The following OSBPL2 variants were observed in gnomAD, a reference collection of about 807,000 sequenced individuals.
OSBPL2 encodes the protein oxysterol-binding protein-related protein 2.
A neutral mutation model predicts 58.4 loss-of-function variants in OSBPL2; 18 were observed. That is an observed-to-expected ratio of 0.31 (90% CI 0.21 to 0.46). OSBPL2 has a LOEUF of 0.46. Ranked by LOEUF, OSBPL2 falls within the 20% of genes least tolerant of loss-of-function variation. The probability of loss-of-function intolerance (pLI) is 1.00; values close to 1 mark genes in which losing one functional copy is unlikely to be tolerated. For missense variants in OSBPL2, 461 were observed against 616.5 expected (o/e 0.75, Z 2.67); for synonymous variants, 221 against 234.1 (o/e 0.94, Z 0.51).
intron 2 of OSBPL2, among the ~76,000 whole-genome samples, chr20:62,257,326 G>A (rs190724776): frequency 6.6e-6 from 1 of 152,346 alleles, no homozygotes; most frequent in East Asian, 1.9e-4. Flanking sequence ...CTGTACCTGC[G>A]CTGGCAGCTC....
chr20:62,281,817 T>C lies in OSBPL2; in HGVS notation c.810T>C (p.Phe270=), dbSNP rs761549244. ...CTGGACATAAGTGTGTGCTTCACTT[T>C]AAACCGTGTGGATTATTTGGAAAAG... The part of the protein sequence containing the change: ...HRTGHKCVLH[F]KPCGLFGKEL... The change falls in exon 9 of 14, where the codon TTT becomes TTC. Residue 270 remains phenylalanine, a synonymous_variant. Coordinates refer to ENST00000313733, the MANE Select transcript of OSBPL2 (RefSeq NM_144498.4). The C allele has an allele frequency of 1.0e-4, 161 of 1,612,078 alleles. No homozygotes were observed. The highest frequency in any genetic ancestry group is 1.3e-4 in the Non-Finnish European group (150 of 1,178,324).
Position 62,284,104 on chromosome 20 carries a change from C to G in OSBPL2, c.931C>G (p.Pro311Ala), listed in dbSNP as rs1348676461. The change falls in exon 10 of 14, where the codon CCT (proline) becomes GCT (alanine). Residue 311 changes from proline to alanine, a missense_variant. Pro to Ala is a conservative substitution (Grantham distance 27). Coordinates refer to ENST00000313733, the MANE Select transcript of OSBPL2 (RefSeq NM_144498.4). The part of the protein sequence containing the change: ...KWTECLWGID[P>A]VSYESFKKQE... ...GACGGAATGTTTGTGGGGCATAGAT[C>G]CTGTTTCGTATGAATCCTTCAAGAA... is the stretch of plus-strand genomic sequence containing the variant. 1.2e-6 allele frequency: 2 copies of G among 1,614,036 alleles called. No homozygotes were observed. Among genetic ancestry groups the G allele is most frequent in the Non-Finnish European group, 8.5e-7 (1 of 1,179,918 alleles).
At chr20:62,276,691 C>A (rs1475462051) in intron 6 of OSBPL2, among the ~76,000 whole-genome samples, 1 of 152,220 alleles carries the variant, frequency 6.6e-6, no homozygotes, top group Non-Finnish European at 1.5e-5. Flanking sequence ...GGTCTTGGCA[C>A]AAGCTGCAGG....
At chr20:62,266,947 C>T (rs1245751797) in intron 4 of OSBPL2, among the ~76,000 whole-genome samples, 3 of 152,208 alleles carry the variant, frequency 2.0e-5, no homozygotes, top group Non-Finnish European at 4.4e-5. Context: ...GTTGCTCTTT[C>T]TCTGAATTTA....
Position 62,286,569 on chromosome 20 carries a change from G to T in OSBPL2, c.997-14G>T. On this transcript the variant is annotated splice_polypyrimidine_tract_variant and intron_variant, in intron 10 of 13. Coordinates refer to ENST00000313733, the MANE Select transcript of OSBPL2 (RefSeq NM_144498.4). Reference sequence around the variant, plus strand: ...TGGCCCCGGGCAGCCACACAGCAGGGTTCTGTGTTTCAGGATGAAGACTCC... The same window carrying T: ...TGGCCCCGGGCAGCCACACAGCAGGTTTCTGTGTTTCAGGATGAAGACTCC... 6.2e-7 allele frequency: 1 copy of T among 1,610,232 alleles called. No homozygotes were observed. The highest frequency in any genetic ancestry group is 1.1e-5 in the South Asian group (1 of 90,898).
chr20:62,247,990 C>G (rs1427593575), intron 1 of OSBPL2, among the ~76,000 whole-genome samples: 1 of 151,898 alleles, frequency 6.6e-6, no homozygotes, highest in Non-Finnish European at 1.5e-5. Context: ...AGACAGAACC[C>G]CATCGTTGTT....
At chr20:62,286,842 G>C in intron 11 of OSBPL2, 131 bp downstream of exon 11, 1 of 1,071,394 alleles carries the variant, frequency 9.3e-7, no homozygotes, top group East Asian at 2.5e-5. Flanking sequence ...TCCCAGAGCA[G>C]ACAGGGGCCT....
At chr20:62,284,468 C>G in intron 10 of OSBPL2, 1 of 367,130 alleles carries the variant, frequency 2.7e-6, no homozygotes, top group Non-Finnish European at 5.1e-6. Context: ...CCTCCAGCTA[C>G]CAGGCTCAAG....
Position 62,284,228 on chromosome 20 carries a change from C to T in OSBPL2, c.996+59C>T, listed in dbSNP as rs568720007. On this transcript the variant is annotated intron_variant, in intron 10 of 13. Transcript: ENST00000313733. ...CCCTGGGTGCTGAGGGCTGCCAGGC[C>T]GCTGCTGCCTTTAGCTCACCTGTTG... 9.5e-5 allele frequency: 153 copies of T among 1,609,780 alleles called. No homozygotes were observed. The African/African-American group carries it at 1.7e-3, about 18-fold the overall frequency.
chr20:62,266,822 T>C (rs1185097960), intron 4 of OSBPL2, among the ~76,000 whole-genome samples: 4 of 152,234 alleles, frequency 2.6e-5, no homozygotes, highest in Non-Finnish European at 1.5e-5. Flanking sequence ...AGTCATTTAA[T>C]ATCATCAGAT....
At chr20:62,275,989 A>G (rs999524993) in intron 6 of OSBPL2, among the ~76,000 whole-genome samples, 1 of 150,580 alleles carries the variant, frequency 6.6e-6, no homozygotes, top group Non-Finnish European at 1.5e-5. Context: ...CACTCGCTGC[A>G]ACCTCCGCCT....
rs943209562 is a variant in OSBPL2, at chr20:62,294,132, G to C, written c.*245G>C. 23 of 562,286 alleles carry C rather than the reference G, an allele frequency of 4.1e-5. No individual in the cohort carries two copies. The African/African-American group carries it at 4.1e-4, about 10-fold the overall frequency. 34.8% of individuals were successfully genotyped at this position (562,286 alleles called of 1,614,324 possible). ...TCGTCTTCATTAAGGTTTCAACAGG[G>C]AAATTCTTCACGGCGCCCTTTTATG... On this transcript the variant is annotated 3_prime_UTR_variant, in exon 14 of 14. Transcript: ENST00000313733.
In OSBPL2 at chr20:62,295,737, G is replaced by C. The variant is rs1185213047; in HGVS notation, c.*1850G>C. 1 of 152,086 alleles carries C rather than the reference G, an allele frequency of 6.6e-6. No individual in the cohort carries two copies. The highest frequency in any genetic ancestry group is 1.5e-5 in the Non-Finnish European group (1 of 67,988). The allele number at this position is 152,086 out of a possible 1,614,324, so 9.4% of individuals were successfully genotyped here. On this transcript the variant is annotated 3_prime_UTR_variant, in exon 14 of 14. Coordinates refer to ENST00000313733, the MANE Select transcript of OSBPL2 (RefSeq NM_144498.4). The surrounding 1 kb of genome is among the most constrained non-coding windows in gnomAD (Gnocchi z 4.8). Reference sequence around the variant, plus strand: ...GGAGGGTCATCTGCTTTTCCAGACTGTGGTTGTGAACCGGCTCCTTCTCCA... The same window carrying C: ...GGAGGGTCATCTGCTTTTCCAGACTCTGGTTGTGAACCGGCTCCTTCTCCA...
chr20:62,288,271 A>G lies in OSBPL2; in HGVS notation c.1126-936A>G, dbSNP rs1404220196. 3.3e-5 allele frequency among the ~76,000 whole-genome samples: 5 copies of G among 152,084 alleles called. No homozygotes were observed. Among genetic ancestry groups the G allele is most frequent in the African/African-American group, 4.8e-5 (2 of 41,406 alleles). On this transcript the variant is annotated intron_variant, in intron 11 of 13. Coordinates refer to ENST00000313733, the MANE Select transcript of OSBPL2 (RefSeq NM_144498.4). The surrounding 1 kb of genome is among the most constrained non-coding windows in gnomAD (Gnocchi z 4.8). ...GTGGCCTTTCTGGCTGCTTGCTGAG[A>G]TGCTGTGAGGGCAGCAACAGAAGAG... is the stretch of plus-strand genomic sequence containing the variant.
intron 7 of OSBPL2, 170 bp downstream of exon 7, chr20:62,279,509 G>A (rs113019026): frequency 5.4e-5 from 35 of 651,198 alleles, no homozygotes; most frequent in Middle Eastern, 4.3e-4. Context: ...CCAGGGTCCC[G>A]TGTTGCTGGG....
intron 12 of OSBPL2, chr20:62,291,479 G>A (rs1347497071): frequency 3.5e-6 from 2 of 566,786 alleles, no homozygotes; most frequent in African/African-American, 3.8e-5. Context: ...AGCACATGCA[G>A]CCCCCATGCT....
At chr20:62,266,392 A>G (rs1332265922) in intron 4 of OSBPL2, among the ~76,000 whole-genome samples, 1 of 152,260 alleles carries the variant, frequency 6.6e-6, no homozygotes, top group Non-Finnish European at 1.5e-5. Flanking sequence ...TTGAAAAAAC[A>G]CAAGCACACT....
rs142061947 is a variant in OSBPL2 at position 62,286,817 on chromosome 20, C to T, written c.1125+106C>T. ...GTCCTTGGGCCCTTGCCTGCCGCCT[C>T]GCCTCAGCCTGTTGTCCCAGAGCAG... On this transcript the variant is annotated intron_variant, in intron 11 of 13. Coordinates refer to ENST00000313733, the MANE Select transcript of OSBPL2 (RefSeq NM_144498.4). The T allele has an allele frequency of 3.7e-4, 490 of 1,333,872 alleles. 1 individual carries two copies. The African/African-American group carries it at 5.8e-3, about 16-fold the overall frequency. The allele number at this position is 1,333,872 out of a possible 1,614,324, so 82.6% of individuals were successfully genotyped here.
chr20:62,257,611 CAG>C (rs946929057), intron 2 of OSBPL2, among the ~76,000 whole-genome samples: 5 of 152,126 alleles, frequency 3.3e-5, no homozygotes, highest in Admixed American at 6.5e-5. Context: ...ACGTCTGTCA[CAG>C]AGAGCGCAGC....
Sources: gnomAD v4.1 joint callset for allele counts (sites outside exome capture counted in the v4.1 genomes callset) on GRCh38, gnomAD v4.1.1 for gene constraint, Gnocchi (gnomAD v3.1) non-coding constraint, MANE v1.5 for transcripts, NCBI Gene and HGNC (gene_info 2026-07-23, HGNC 2026-07-21) for gene names.